TMEM132C: variants seen among roughly 807,000 people sequenced by gnomAD.
TMEM132C encodes protein phosphatase 1, regulatory subunit 152.
Under a neutral mutation model 61.4 loss-of-function variants are expected in TMEM132C, and 29 were observed. The ratio of observed to expected loss-of-function variants is 0.47; its 90% CI spans 0.35 to 0.64. TMEM132C has a LOEUF of 0.64. Ranked by LOEUF, TMEM132C falls within the 30% of genes least tolerant of loss-of-function variation. The pLI, the probability that TMEM132C is intolerant of heterozygous loss-of-function variation, is 0.00. For synonymous variants in TMEM132C, 656 were observed against 633.1 expected (o/e 1.04, Z -0.54); for missense variants, 1,408 against 1,476.9 (o/e 0.95, Z 0.76).
chr12:128,319,782 C>T (rs1415478776), intron 1 of TMEM132C, among the ~76,000 whole-genome samples: 4 of 151,062 alleles, frequency 2.6e-5, no homozygotes, highest in East Asian at 3.9e-4. Context: ...GCCGAGATTG[C>T]GCCACTGCAC....
intron 2 of TMEM132C, among the ~76,000 whole-genome samples, chr12:128,516,772 G>C (rs1872732898): frequency 6.6e-6 from 1 of 152,044 alleles, no homozygotes; most frequent in African/African-American, 2.4e-5. Flanking sequence ...AAATTAGCCA[G>C]GTGTGGTGGT....
intron 3 of TMEM132C, among the ~76,000 whole-genome samples, chr12:128,606,048 C>T (rs890874121): frequency 2.6e-5 from 4 of 152,226 alleles, no homozygotes; most frequent in Non-Finnish European, 5.9e-5. Context: ...GGGAAGCCCA[C>T]TGTGATGTCT....
intron 1 of TMEM132C, among the ~76,000 whole-genome samples, chr12:128,296,264 A>T (rs1226997077): frequency 3.3e-5 from 5 of 152,226 alleles, no homozygotes; most frequent in African/African-American, 1.2e-4. Flanking sequence ...ACACGAATAC[A>T]GTCTGCCTTA....
intron 1 of TMEM132C, among the ~76,000 whole-genome samples, chr12:128,360,244 CG>C (rs1873655600): frequency 6.0e-5 from 4 of 66,540 alleles, no homozygotes; most frequent in African/African-American, 2.0e-4. Flanking sequence ...TGATAAAGGA[CG>C]ACACACACAC....
chr12:128,498,051 C>A (rs1051983507), intron 2 of TMEM132C, among the ~76,000 whole-genome samples: 25 of 152,150 alleles, frequency 1.6e-4, no homozygotes, highest in African/African-American at 5.3e-4. Flanking sequence ...TCCTCCATCC[C>A]CCTAGCATGT....
intron 1 of TMEM132C, among the ~76,000 whole-genome samples, chr12:128,399,714 C>T (rs1875085407): frequency 6.6e-6 from 1 of 152,052 alleles, no homozygotes; most frequent in Non-Finnish European, 1.5e-5. Context: ...GGTCCGCACA[C>T]TATGGCCTGT....
chr12:128,341,913 T>A (rs1315637494), intron 1 of TMEM132C, among the ~76,000 whole-genome samples: 1 of 152,132 alleles, frequency 6.6e-6, no homozygotes. Flanking sequence ...TATATTACAG[T>A]CCACCACCCA....
At chr12:128,604,931 T>G (rs2135576369) in intron 3 of TMEM132C, among the ~76,000 whole-genome samples, 1 of 149,974 alleles carries the variant, frequency 6.7e-6, no homozygotes, top group East Asian at 2.0e-4. Flanking sequence ...GATGCATGGA[T>G]GCATAGATAA....
At chr12:128,596,372 A>G (rs1020551048) in intron 3 of TMEM132C, among the ~76,000 whole-genome samples, 1 of 147,676 alleles carries the variant, frequency 6.8e-6, no homozygotes, top group Non-Finnish European at 1.5e-5. Flanking sequence ...AGGTCCTGGT[A>G]CAGAGTGGGC....
intron 2 of TMEM132C, among the ~76,000 whole-genome samples, chr12:128,505,330 C>T (rs531442770): frequency 1.5e-4 from 23 of 152,188 alleles, no homozygotes; most frequent in Non-Finnish European, 2.5e-4. Context: ...CATGCTCCTA[C>T]ATCCCTCTGC....
chr12:128,268,159 G>C (rs926484910), intron 1 of TMEM132C, among the ~76,000 whole-genome samples: 3 of 152,210 alleles, frequency 2.0e-5, no homozygotes, highest in African/African-American at 7.2e-5. Flanking sequence ...CTCGCGACGG[G>C]AACTACCTCA....
intron 1 of TMEM132C, among the ~76,000 whole-genome samples, chr12:128,397,035 T>G (rs1475957291): frequency 6.6e-6 from 1 of 152,162 alleles, no homozygotes; most frequent in African/African-American, 2.4e-5. Flanking sequence ...CGGATGGCAC[T>G]CAGAGGCTTC....
intron 2 of TMEM132C, among the ~76,000 whole-genome samples, chr12:128,468,187 C>G (rs926173667): frequency 2.0e-5 from 3 of 152,102 alleles, no homozygotes; most frequent in Non-Finnish European, 4.4e-5. Flanking sequence ...GAACACCAAC[C>G]CCGGGGTGAC....
intron 5 of TMEM132C, among the ~76,000 whole-genome samples, chr12:128,687,086 C>T (rs1954682927): frequency 6.6e-6 from 1 of 151,416 alleles, no homozygotes; most frequent in African/African-American, 2.4e-5. Flanking sequence ...CCTGTAGTCC[C>T]AGCTACCCGG....
chr12:128,414,916 G>A lies in TMEM132C; in HGVS notation c.270G>A (p.Arg90=), dbSNP rs1296135120. 6.4e-7 allele frequency: 1 copy of A among 1,551,726 alleles called. No individual in the cohort carries two copies. Among genetic ancestry groups the A allele is most frequent in the East Asian group, 2.4e-5 (1 of 40,910 alleles). Residue 90 remains arginine (R), a synonymous_variant, in exon 2 of 9, where the codon AGG becomes AGA. Coordinates refer to ENST00000435159, the MANE Select transcript of TMEM132C (RefSeq NM_001136103.3). ...RVESFFTYKT[R]QPPVLNASYG... ...AGTCCTTCTTTACCTACAAAACCAGGCAGCCCCCAGTGCTCAATGCCAGCT... is the reference window on the plus strand; with the variant it reads ...AGTCCTTCTTTACCTACAAAACCAGACAGCCCCCAGTGCTCAATGCCAGCT...
chr12:128,437,115 G>A (rs1412902237), intron 2 of TMEM132C, among the ~76,000 whole-genome samples: 1 of 152,094 alleles, frequency 6.6e-6, no homozygotes, highest in South Asian at 2.1e-4. Context: ...TTGGACACAG[G>A]GCGGGGAACA....
intron 4 of TMEM132C, among the ~76,000 whole-genome samples, chr12:128,617,932 G>A (rs904861152): frequency 4.6e-5 from 7 of 152,186 alleles, no homozygotes; most frequent in Admixed American, 4.6e-4. Context: ...AACAAGCCAT[G>A]GGCCACATCC....
chr12:128,652,349 G>A (rs1245660329), intron 4 of TMEM132C, among the ~76,000 whole-genome samples: 1 of 152,316 alleles, frequency 6.6e-6, no homozygotes, highest in East Asian at 1.9e-4. Flanking sequence ...AGTGGGACAC[G>A]TCAGCCCCAC....
At chr12:128,699,658 T>C (rs1031219438) in intron 8 of TMEM132C, among the ~76,000 whole-genome samples, 2 of 152,212 alleles carry the variant, frequency 1.3e-5, no homozygotes, top group Non-Finnish European at 2.9e-5. Context: ...GTGATTTCAC[T>C]GGACTCACCC....
Sources: gnomAD v4.1 joint callset for allele counts (sites outside exome capture counted in the v4.1 genomes callset) on GRCh38, gnomAD v4.1.1 for gene constraint, MANE v1.5 for transcripts, NCBI Gene and HGNC (gene_info 2026-07-23, HGNC 2026-07-21) for gene names.